OXR1: variants seen among roughly 807,000 people sequenced by gnomAD.
OXR1 encodes oxidation resistance 1, also known as oxidation resistance protein 1.
A neutral mutation model predicts 104.6 loss-of-function variants in OXR1; 41 were observed. The ratio of observed to expected loss-of-function variants is 0.39; its 90% CI spans 0.31 to 0.51. The LOEUF is 0.51. Ranked by LOEUF, OXR1 falls within the 20% of genes least tolerant of loss-of-function variation. The pLI is 0.77. For missense variants in OXR1, 955 were observed against 1,031.9 expected (o/e 0.93, Z 1.02); for synonymous variants, 348 against 348.4 (o/e 1.00, Z 0.01).
rs952928168 is a variant in OXR1 at position 106,503,000 on chromosome 8, T to C, written c.24-15943T>C. On this transcript the variant is annotated intron_variant, in intron 2 of 16. Transcript: ENST00000517566. Reference sequence around the variant, plus strand: ...TGCAACCAAACTACTTATCTTTTTTTATAGTTTTATTTTATAAATCCATCC... The same window carrying C: ...TGCAACCAAACTACTTATCTTTTTTCATAGTTTTATTTTATAAATCCATCC... Among the ~76,000 whole-genome samples, 6 of 152,326 alleles carry C rather than the reference T, an allele frequency of 3.9e-5. No homozygotes were observed. The East Asian group carries it at 9.6e-4, about 24-fold the overall frequency.
intron 3 of OXR1, among the ~76,000 whole-genome samples, chr8:106,570,605 C>T (rs1360240930): frequency 2.0e-5 from 3 of 152,126 alleles, no homozygotes; most frequent in African/African-American, 7.2e-5. Flanking sequence ...TGAAATGGTG[C>T]AAGAAGAACC....
chr8:106,531,566 T>C (rs546439931), intron 3 of OXR1, among the ~76,000 whole-genome samples: 10 of 152,176 alleles, frequency 6.6e-5, no homozygotes, highest in Non-Finnish European at 1.5e-4. Context: ...ATATTGTAGA[T>C]AAAATATCAT....
At chr8:106,401,655 A>C (rs1214285531) in intron 2 of OXR1, among the ~76,000 whole-genome samples, 1 of 152,150 alleles carries the variant, frequency 6.6e-6, no homozygotes, top group Non-Finnish European at 1.5e-5. Flanking sequence ...TGGTTGTAGG[A>C]GGGGCCAGAT....
chr8:106,293,965 A>ATTTT (rs61559960), intron 1 of OXR1, among the ~76,000 whole-genome samples: 1,560 of 124,196 alleles, frequency 0.013, 33 homozygotes, highest in African/African-American at 0.042. Context: ...TGACAGTTTA[A>ATTTT]TTTTTTTTTT....
At chr8:106,580,225 C>G (rs532658785) in intron 3 of OXR1, among the ~76,000 whole-genome samples, 1 of 152,162 alleles carries the variant, frequency 6.6e-6, no homozygotes, top group African/African-American at 2.4e-5. Flanking sequence ...ATCTGAAACT[C>G]TATACCCATT....
chr8:106,547,492 CTTT>C (rs60073341), intron 3 of OXR1, among the ~76,000 whole-genome samples: 6,392 of 116,524 alleles, frequency 0.055, 132 homozygotes, highest in Middle Eastern at 0.079. Context: ...TTCTTTCTTT[CTTT>C]TTTTTTTTTT....
In OXR1 at chr8:106,483,609, T is replaced by C. The variant is rs578144464; in HGVS notation, c.24-35334T>C. Among the ~76,000 whole-genome samples the C allele has an allele frequency of 1.2e-4, 19 of 152,120 alleles. No homozygotes were observed. The South Asian group carries it at 2.7e-3, about 22-fold the overall frequency. ...TTATGAATTATTAGTTTGCATATGG[T>C]CCAATGAAGTATCTGGTCCACTTGA... On this transcript the variant is annotated intron_variant, in intron 2 of 16. Coordinates refer to ENST00000517566, the MANE Select transcript of OXR1 (RefSeq NM_001198533.2).
Position 106,737,531 on chromosome 8 carries a change from G to A in OXR1, c.1968G>A (p.Val656=), listed in dbSNP as rs200961830. 1 of 1,319,276 alleles carries A rather than the reference G, an allele frequency of 7.6e-7. No individual in the cohort carries two copies. The highest frequency in any genetic ancestry group is 9.8e-7 in the Non-Finnish European group (1 of 1,018,326). The allele number at this position is 1,319,276 out of a possible 1,614,324, so 81.7% of individuals were successfully genotyped here. The part of the protein sequence containing the change: ...AAAREWEVVS[V]AEYHRRIDAL... The stretch of plus-strand genomic sequence containing the variant: ...GTCTCCATATTTAGGTAGTGTCAGT[G>A]GCTGAGTATCACCGCAGGATCGATG... Residue 656 remains valine (V), a synonymous_variant, in exon 12 of 17, where the codon GTG becomes GTA. Transcript: ENST00000517566.
chr8:106,452,951 A>G (rs890264949), intron 2 of OXR1, among the ~76,000 whole-genome samples: 1 of 151,962 alleles, frequency 6.6e-6, no homozygotes, highest in Non-Finnish European at 1.5e-5. Flanking sequence ...CCCACTATTG[A>G]TAGGCATCTT....
At chr8:106,383,164 A>C (rs1315576131) in intron 2 of OXR1, among the ~76,000 whole-genome samples, 1 of 152,148 alleles carries the variant, frequency 6.6e-6, no homozygotes, top group Non-Finnish European at 1.5e-5. Flanking sequence ...ATAAATGATC[A>C]TGAAGGCAGT....
chr8:106,491,834 G>A (rs1423609716), intron 2 of OXR1, among the ~76,000 whole-genome samples: 1 of 152,096 alleles, frequency 6.6e-6, no homozygotes, highest in East Asian at 1.9e-4. Flanking sequence ...TGGTTTACGT[G>A]AGTGTTTAGA....
chr8:106,427,642 T>C (rs899401323), intron 2 of OXR1, among the ~76,000 whole-genome samples: 5 of 152,166 alleles, frequency 3.3e-5, no homozygotes, highest in African/African-American at 7.2e-5. Flanking sequence ...GAATATTAAT[T>C]TTCTTAAGTC....
In OXR1 at chr8:106,647,023, T is replaced by A. The variant is rs377680083; in HGVS notation, c.221-32187T>A. Among the ~76,000 whole-genome samples the A allele has an allele frequency of 3.3e-5, 5 of 152,344 alleles. No individual in the cohort carries two copies. In the East Asian group the frequency reaches 9.6e-4, roughly 29 times the overall value. On this transcript the variant is annotated intron_variant, in intron 3 of 16. Transcript: ENST00000517566. The stretch of plus-strand genomic sequence containing the variant: ...TGTAATTATACCATTGTAATTACTG[T>A]CTTTAATAGGATTAAAAATAGAACT...
intron 1 of OXR1, among the ~76,000 whole-genome samples, chr8:106,286,393 A>G (rs896439525): frequency 6.2e-5 from 9 of 144,616 alleles, no homozygotes; most frequent in African/African-American, 1.0e-4. Context: ...TTTTTTTTCA[A>G]TGAAAAGAAT....
At chr8:106,700,086 A>G (rs1247425149) in intron 7 of OXR1, among the ~76,000 whole-genome samples, 1 of 152,138 alleles carries the variant, frequency 6.6e-6, no homozygotes, top group Non-Finnish European at 1.5e-5. Context: ...TTCTCTTTAG[A>G]AGATTAGTCA....
chr8:106,370,695 A>G (rs999856414), intron 2 of OXR1, among the ~76,000 whole-genome samples: 1 of 152,298 alleles, frequency 6.6e-6, no homozygotes, highest in East Asian at 1.9e-4. Context: ...GTGATGGATT[A>G]CACTTATTGA....
chr8:106,448,995 A>G (rs200149479), intron 2 of OXR1, among the ~76,000 whole-genome samples: 1 of 152,114 alleles, frequency 6.6e-6, no homozygotes, highest in East Asian at 1.9e-4. Context: ...AGAAAAACAC[A>G]ATTTTTGAAA....
At chr8:106,631,845 A>G (rs1822712869) in intron 3 of OXR1, among the ~76,000 whole-genome samples, 1 of 152,180 alleles carries the variant, frequency 6.6e-6, no homozygotes, top group Admixed American at 6.5e-5. Context: ...TTGCCAACTG[A>G]AAAAATCCCT....
chr8:106,689,175 T>A (rs1389796921), intron 6 of OXR1, among the ~76,000 whole-genome samples: 2 of 152,122 alleles, frequency 1.3e-5, no homozygotes, highest in African/African-American at 4.8e-5. Flanking sequence ...ACCATGCTCC[T>A]TTTGAAACTT....
Sources: allele counts gnomAD v4.1 joint callset (sites outside exome capture counted in the v4.1 genomes callset), GRCh38; gene constraint gnomAD v4.1.1; transcripts MANE v1.5; gene names NCBI Gene and HGNC (gene_info 2026-07-23, HGNC 2026-07-21).